Variants in MTUS1 observed in about 807,000 individuals in gnomAD.
MTUS1 encodes microtubule associated scaffold protein 1.
A neutral mutation model predicts 120.8 loss-of-function variants in MTUS1; 109 were observed. That is an observed-to-expected ratio of 0.90 (90% CI 0.77 to 1.06). The LOEUF (loss-of-function observed/expected upper bound fraction) is 1.06. Ranked by LOEUF, MTUS1 falls within the 50% of genes least tolerant of loss-of-function variation. MTUS1 has a pLI of 0.00. For missense variants in MTUS1, 2,210 were observed against 1,486.3 expected, an observed-to-expected ratio of 1.49 and a Z score of -8.01; for synonymous variants, 737 against 550.5, an observed-to-expected ratio of 1.34 and a Z score of -4.74.
chr8:17,746,127 C>T (rs1269652251), intron 2 of MTUS1, among the ~76,000 whole-genome samples: 1 of 152,138 alleles, frequency 6.6e-6, no homozygotes, highest in Non-Finnish European at 1.5e-5. Flanking sequence ...CTTTATATAG[C>T]AATGTGAGAA....
At chr8:17,667,548 A>G (rs1284885495) in intron 8 of MTUS1, among the ~76,000 whole-genome samples, 2 of 152,236 alleles carry the variant, frequency 1.3e-5, no homozygotes, top group African/African-American at 2.4e-5. Context: ...GCTTTTGGCA[A>G]TGTACTGTTT....
At chr8:17,780,146 A>T (rs7459701) in intron 1 of MTUS1, among the ~76,000 whole-genome samples, 29,159 of 151,618 alleles carry the variant, frequency 0.19, 3,235 homozygotes, top group East Asian at 0.46. Context: ...GTGGCAGCGG[A>T]CTCTGGGCAC....
At chr8:17,738,632 G>T (rs1315781233) in intron 3 of MTUS1, among the ~76,000 whole-genome samples, 1 of 152,022 alleles carries the variant, frequency 6.6e-6, no homozygotes, top group Non-Finnish European at 1.5e-5. Context: ...GGTAAACATG[G>T]GCCATGGTGG....
At chr8:17,737,549 T>A (rs140424467) in intron 3 of MTUS1, among the ~76,000 whole-genome samples, 1,582 of 152,300 alleles carry the variant, frequency 0.01, 29 homozygotes, top group African/African-American at 0.036. Flanking sequence ...AGTGCAGTGG[T>A]ACAATTATAG....
intron 3 of MTUS1, among the ~76,000 whole-genome samples, chr8:17,735,977 T>C (rs1198837616): frequency 1.3e-5 from 2 of 152,154 alleles, no homozygotes; most frequent in Non-Finnish European, 2.9e-5. Flanking sequence ...ATTGGAACGA[T>C]TTGCTTAGAC....
intron 5 of MTUS1, among the ~76,000 whole-genome samples, chr8:17,714,894 CTTTTTTTTTTTTT>C (rs34479493): frequency 1.6e-4 from 9 of 55,192 alleles, no homozygotes; most frequent in South Asian, 7.1e-4. Flanking sequence ...ACAAATAATG[CTTTTTTTTTTTTT>C]TTTTTTTTTT....
intron 7 of MTUS1, among the ~76,000 whole-genome samples, chr8:17,678,748 CA>C (rs35213322): frequency 0.062 from 8,259 of 132,974 alleles, 422 homozygotes; most frequent in East Asian, 0.25. Context: ...ATTCCACTTG[CA>C]AAAAAAAAAA....
chr8:17,740,794 G>A (rs750294040), intron 3 of MTUS1, among the ~76,000 whole-genome samples: 1 of 152,060 alleles, frequency 6.6e-6, no homozygotes, highest in African/African-American at 2.4e-5. Flanking sequence ...TCCCAGCAAG[G>A]GCCCTCTTCC....
chr8:17,695,849 C>T lies in MTUS1; in HGVS notation c.2624-11307G>A, dbSNP rs148032081. On this transcript the variant is annotated intron_variant, in intron 6 of 14. Coordinates refer to ENST00000693296, the MANE Select transcript of MTUS1 (RefSeq NM_001363059.2). ...GCATAGATTTACATGTGACTGGAAACGTGCAAGAACACTATGCAAGCAGCT... is the reference window on the plus strand; with the variant it reads ...GCATAGATTTACATGTGACTGGAAATGTGCAAGAACACTATGCAAGCAGCT... 9.2e-5 allele frequency among the ~76,000 whole-genome samples: 14 copies of T among 152,200 alleles called. 1 individual carries two copies. The highest frequency in any genetic ancestry group is 2.9e-4 in the African/African-American group (12 of 41,530).
At chr8:17,774,640 G>C (rs1386707500) in intron 1 of MTUS1, among the ~76,000 whole-genome samples, 1 of 152,182 alleles carries the variant, frequency 6.6e-6, no homozygotes, top group African/African-American at 2.4e-5. Flanking sequence ...GTTGCTGGTG[G>C]AAATGTCAAG....
At chr8:17,656,498 AG>A (rs1808261834) in intron 8 of MTUS1, among the ~76,000 whole-genome samples, 1 of 151,056 alleles carries the variant, frequency 6.6e-6, no homozygotes, top group Admixed American at 6.6e-5. Flanking sequence ...ACTGCACTAT[AG>A]CCGGGGTGAC....
chr8:17,650,179 C>G (rs143835530), intron 12 of MTUS1, among the ~76,000 whole-genome samples: 1 of 152,154 alleles, frequency 6.6e-6, no homozygotes, highest in South Asian at 2.1e-4. Context: ...TTATCAGTAA[C>G]TTAATATGCA....
chr8:17,716,385 G>C (rs1822332702), intron 4 of MTUS1: 1 of 153,156 alleles, frequency 6.5e-6, no homozygotes, highest in South Asian at 2.1e-4. Flanking sequence ...GAGTTAAAAT[G>C]CTAACTTCTG....
intron 5 of MTUS1, among the ~76,000 whole-genome samples, 195 bp downstream of exon 5, chr8:17,715,572 A>G (rs1372008025): frequency 6.6e-6 from 1 of 152,184 alleles, no homozygotes; most frequent in East Asian, 1.9e-4. Flanking sequence ...ACACGTAATG[A>G]TTTTTAACTA....
chr8:17,677,490 G>T (rs939903154), intron 7 of MTUS1, among the ~76,000 whole-genome samples: 1 of 152,134 alleles, frequency 6.6e-6, no homozygotes, highest in Non-Finnish European at 1.5e-5. Context: ...ATGGGAGGAT[G>T]AAAGAAATTA....
intron 3 of MTUS1, among the ~76,000 whole-genome samples, chr8:17,735,971 G>T (rs954955089): frequency 1.3e-5 from 2 of 152,190 alleles, no homozygotes; most frequent in Non-Finnish European, 2.9e-5. Context: ...GTTTTCATTG[G>T]AACGATTTGC....
At position 17,645,879 on chromosome 8, in the gene MTUS1, ACCTGCATCAAAATGCTTT is replaced by A. The variant is rs755909075; in HGVS notation, c.*29_*46del. ...TTCCTCCTTGGGGTCAGTCCTGCAGACCTGCATCAAAATGCTTTCAGAGAGTCTGTGGACTTTGGGGAG... is the reference window on the plus strand; with the variant it reads ...TTCCTCCTTGGGGTCAGTCCTGCAGACAGAGAGTCTGTGGACTTTGGGGAG... On this transcript the variant is annotated 3_prime_UTR_variant, in exon 15 of 15. Transcript: ENST00000693296. 56 of 1,578,618 alleles carry A rather than the reference ACCTGCATCAAAATGCTTT, an allele frequency of 3.5e-5. No homozygotes were observed. In the Admixed American group the frequency reaches 9.9e-4, roughly 28 times the overall value.
chr8:17,740,338 T>C (rs912150278), intron 3 of MTUS1, among the ~76,000 whole-genome samples: 3 of 152,380 alleles, frequency 2.0e-5, no homozygotes, highest in Non-Finnish European at 4.4e-5. Flanking sequence ...TCTACTTAAG[T>C]GTTCTGAAAG....
At chr8:17,796,956 A>G (rs374074874) in intron 1 of MTUS1, among the ~76,000 whole-genome samples, 2 of 152,318 alleles carry the variant, frequency 1.3e-5, no homozygotes, top group South Asian at 4.1e-4. Context: ...CACTAAAAAT[A>G]CAAAAATTAG....
Sources: gnomAD v4.1 joint callset for allele counts (sites outside exome capture counted in the v4.1 genomes callset) on GRCh38, gnomAD v4.1.1 for gene constraint, MANE v1.5 for transcripts, NCBI Gene and HGNC (gene_info 2026-07-23, HGNC 2026-07-21) for gene names.